LAMA2: variants seen among roughly 807,000 people sequenced by gnomAD.
LAMA2 encodes the protein laminin subunit alpha-2.
A neutral mutation model predicts 364.8 loss-of-function variants in LAMA2; 269 were observed. The ratio of observed to expected loss-of-function variants is 0.74; its 90% CI spans 0.67 to 0.82. LAMA2 has a LOEUF of 0.82. LAMA2 is among the 40% of genes least tolerant of loss of function. The probability of loss-of-function intolerance (pLI) is 0.00; values close to 1 mark genes in which losing one functional copy is unlikely to be tolerated. For missense variants in LAMA2, 3,807 were observed against 3,873.2 expected (o/e 0.98, Z 0.45); for synonymous variants, 1,379 against 1,370.6 (o/e 1.01, Z -0.14).
In LAMA2 at chr6:129,120,609, A is replaced by G. The variant is rs570596291; in HGVS notation, c.639+22194A>G. On this transcript the variant is annotated intron_variant, in intron 4 of 64. Transcript: ENST00000421865. ...AACATCTGAACTTTAGATATTATTT[A>G]TATGACCTTAAAAGTCAGACCTTTC... Among the ~76,000 whole-genome samples the G allele has an allele frequency of 2.0e-5, 3 of 152,364 alleles. No homozygotes were observed. In the East Asian group the frequency reaches 5.8e-4, roughly 29 times the overall value.
chr6:129,454,227 C>T lies in LAMA2; in HGVS notation c.6646C>T (p.Arg2216Cys), dbSNP rs929034817. The stretch of plus-strand genomic sequence containing the variant: ...CTGGGATGTTGGATCTGGAGTTGGA[C>T]GTGTAGAGTACCCAGATTTGACTAT... ...FLWDVGSGVG[R>C]VEYPDLTIDD... Residue 2216 changes from arginine to cysteine, a missense_variant, in exon 47 of 65, where the codon CGT becomes TGT. Around this residue, in one of 3 missense-constraint regions of LAMA2, gnomAD observed 3,333 missense variants for 3,345.7 expected, o/e 1.00. Coordinates refer to ENST00000421865, the MANE Select transcript of LAMA2 (RefSeq NM_000426.4). 7.4e-6 allele frequency: 12 copies of T among 1,611,464 alleles called. No homozygotes were observed. Among genetic ancestry groups the T allele is most frequent in the East Asian group, 6.7e-5 (3 of 44,812 alleles).
intron 1 of LAMA2, among the ~76,000 whole-genome samples, chr6:128,944,860 G>T (rs1399109153): frequency 6.6e-6 from 1 of 152,110 alleles, no homozygotes; most frequent in Admixed American, 6.6e-5. Context: ...AGAACTCACT[G>T]TCATGAGGAC....
chr6:129,405,047 A>G (rs1255407144), intron 40 of LAMA2, among the ~76,000 whole-genome samples: 1 of 152,086 alleles, frequency 6.6e-6, no homozygotes, highest in Admixed American at 6.5e-5. Flanking sequence ...AAGCATTTCT[A>G]TGTTCAGTTA....
chr6:128,897,620 C>T (rs6941938), intron 1 of LAMA2, among the ~76,000 whole-genome samples: 8,825 of 152,234 alleles, frequency 0.058, 737 homozygotes, highest in African/African-American at 0.18. Flanking sequence ...CCCAAAACCG[C>T]AGTTGGAACT....
chr6:129,369,976 G>C lies in LAMA2; in HGVS notation c.4945G>C (p.Glu1649Gln), dbSNP rs143215851. The part of the protein sequence containing the change: ...NLNTLVTEMN[E>Q]LLTRATKVTA... Reference sequence around the variant, plus strand: ...GAATACACTCGTGACCGAAATGAACGAGCTGCTGACCAGGGTAAGGTGGCA... The same window carrying C: ...GAATACACTCGTGACCGAAATGAACCAGCTGCTGACCAGGGTAAGGTGGCA... The change falls in exon 34 of 65, where the codon GAG (glutamate) becomes CAG (glutamine). Residue 1649 changes from glutamate to glutamine, a missense_variant. Glu to Gln is a conservative substitution (Grantham distance 29). This residue lies in a region of LAMA2 where 3,333 missense variants were observed against 3,345.7 expected (regional missense o/e 1.00). Coordinates refer to ENST00000421865, the MANE Select transcript of LAMA2 (RefSeq NM_000426.4). 601 of 1,614,012 alleles carry C rather than the reference G, an allele frequency of 3.7e-4. No individual in the cohort carries two copies. The highest frequency in any genetic ancestry group is 5.0e-4 in the Non-Finnish European group (589 of 1,179,896).
intron 58 of LAMA2, among the ~76,000 whole-genome samples, chr6:129,494,922 T>C (rs536233783): frequency 2.6e-5 from 4 of 152,366 alleles, no homozygotes; most frequent in African/African-American, 9.6e-5. Flanking sequence ...AATAAACTTT[T>C]TTGACCTTGG....
intron 1 of LAMA2, among the ~76,000 whole-genome samples, chr6:128,909,873 T>G (rs550086726): frequency 2.1e-3 from 322 of 149,778 alleles, no homozygotes; most frequent in African/African-American, 7.8e-3. Context: ...CTGTAAAGTA[T>G]TTTATTTCTC....
chr6:129,191,065 T>A (rs1365752824), intron 11 of LAMA2, among the ~76,000 whole-genome samples: 1 of 152,092 alleles, frequency 6.6e-6, no homozygotes, highest in Admixed American at 6.5e-5. Flanking sequence ...GAGTGCAGAA[T>A]GGTAGGAAAT....
chr6:129,188,461 A>G (rs139787675), intron 10 of LAMA2, among the ~76,000 whole-genome samples: 30 of 152,084 alleles, frequency 2.0e-4, no homozygotes, highest in East Asian at 1.9e-4. Flanking sequence ...CCAAGCGCAT[A>G]AGAACACAGT....
At chr6:129,106,973 AG>A (rs1161358572) in intron 4 of LAMA2, among the ~76,000 whole-genome samples, 1 of 151,970 alleles carries the variant, frequency 6.6e-6, no homozygotes, top group African/African-American at 2.4e-5. Flanking sequence ...AAACTGAATG[AG>A]AATGGAATCC....
chr6:128,920,293 G>A lies in LAMA2; in HGVS notation c.112+36936G>A, dbSNP rs186549440. 7.0e-3 allele frequency among the ~76,000 whole-genome samples: 1,059 copies of A among 152,070 alleles called. 14 individuals carry two copies. Among genetic ancestry groups the A allele is most frequent in the African/African-American group, 0.024 (998 of 41,494 alleles). On this transcript the variant is annotated intron_variant, in intron 1 of 64. Coordinates refer to ENST00000421865, the MANE Select transcript of LAMA2 (RefSeq NM_000426.4). ...CTTCCTCAGCCTCTAGAGTAGCTGGGACTACAGGCGTGTGCCACCACGCCC... is the reference window on the plus strand; with the variant it reads ...CTTCCTCAGCCTCTAGAGTAGCTGGAACTACAGGCGTGTGCCACCACGCCC...
intron 22 of LAMA2, 53 bp downstream of exon 22, chr6:129,300,925 G>T: frequency 1.3e-6 from 2 of 1,524,654 alleles, no homozygotes; most frequent in Non-Finnish European, 1.8e-6. Context: ...TTTTTGTTTT[G>T]TAGAGCTCTG....
At chr6:128,953,467 T>C (rs1167158962) in intron 1 of LAMA2, among the ~76,000 whole-genome samples, 10 of 152,100 alleles carry the variant, frequency 6.6e-5, no homozygotes, top group African/African-American at 2.4e-4. Flanking sequence ...TCTCCTGGAT[T>C]CTATAATAAT....
At chr6:129,330,208 A>G (rs183309947) in intron 29 of LAMA2, among the ~76,000 whole-genome samples, 2 of 152,170 alleles carry the variant, frequency 1.3e-5, no homozygotes, top group East Asian at 3.9e-4. Flanking sequence ...ATAATAGATA[A>G]TAAAGTGCAC....
Position 129,402,313 on chromosome 6 carries a change from C to T in LAMA2, c.5563-11C>T. 6.2e-7 allele frequency: 1 copy of T among 1,610,594 alleles called. No individual in the cohort carries two copies. Among genetic ancestry groups the T allele is most frequent in the South Asian group, 1.1e-5 (1 of 90,982 alleles). Reference sequence around the variant, plus strand: ...TCACTTGCTTAAAATGCCCTCTTCTCTACATATCAGTATGTTGAAGACATC... The same window carrying T: ...TCACTTGCTTAAAATGCCCTCTTCTTTACATATCAGTATGTTGAAGACATC... On this transcript the variant is annotated splice_polypyrimidine_tract_variant and intron_variant, in intron 38 of 64. Transcript: ENST00000421865.
chr6:129,020,863 C>T (rs1785408673), intron 1 of LAMA2, among the ~76,000 whole-genome samples: 1 of 152,100 alleles, frequency 6.6e-6, no homozygotes, highest in Admixed American at 6.5e-5. Flanking sequence ...TCTAAGGTGG[C>T]TTCTTTAGTC....
At chr6:129,505,067 C>T in intron 60 of LAMA2, 133 bp from the exon 61 acceptor site, 1 of 783,720 alleles carries the variant, frequency 1.3e-6, no homozygotes. Flanking sequence ...ATATAATGGG[C>T]TTAGCGCATA....
At chr6:129,241,065 A>G (rs921932550) in intron 12 of LAMA2, among the ~76,000 whole-genome samples, 63 of 152,334 alleles carry the variant, frequency 4.1e-4, no homozygotes, top group African/African-American at 1.4e-3. Context: ...TTTAGGACTG[A>G]TAAAGCTAAG....
At chr6:129,403,730 C>T (rs1015233506) in intron 39 of LAMA2, 91 bp from the exon 40 acceptor site, 24 of 1,199,936 alleles carry the variant, frequency 2.0e-5, no homozygotes, top group Non-Finnish European at 2.8e-5. Context: ...TGGCCATGAT[C>T]ATTTGGAAGC....
Sources: allele counts gnomAD v4.1 joint callset (sites outside exome capture counted in the v4.1 genomes callset), GRCh38; gene constraint gnomAD v4.1.1; regional missense constraint gnomAD v4.1.1; transcripts MANE v1.5; gene names NCBI Gene and HGNC (gene_info 2026-07-23, HGNC 2026-07-21).